Variants in SLC44A5 observed in about 807,000 individuals in gnomAD.
SLC44A5 encodes the protein solute carrier family 44 member 5.
Under a neutral mutation model 101.8 loss-of-function variants are expected in SLC44A5, and 57 were observed. That is an observed-to-expected ratio of 0.56 (90% CI 0.45 to 0.70). The LOEUF (loss-of-function observed/expected upper bound fraction) is 0.70, where lower values mean the gene tolerates loss of function less well. Among genes scored for constraint, SLC44A5 ranks in the 30% least tolerant of loss-of-function variants. SLC44A5 has a pLI of 0.00. For synonymous variants in SLC44A5, 281 were observed against 290.9 expected, an observed-to-expected ratio of 0.97 and a Z score of 0.35; for missense variants, 737 against 853.1, an observed-to-expected ratio of 0.86 and a Z score of 1.70.
chr1:75,443,355 A>G (rs1171974785), intron 2 of SLC44A5, among the ~76,000 whole-genome samples: 2 of 151,974 alleles, frequency 1.3e-5, no homozygotes, highest in South Asian at 4.1e-4. Flanking sequence ...CTTTGAGAAA[A>G]CTCATTGATT....
At chr1:75,209,029 T>C (rs1052312460) in intron 23 of SLC44A5, among the ~76,000 whole-genome samples, 2 of 152,206 alleles carry the variant, frequency 1.3e-5, no homozygotes, top group Admixed American at 6.5e-5. Flanking sequence ...ATGTTGCCCA[T>C]AGTAACAGCT....
chr1:75,656,246 A>G, the SLC44A5 span, among the ~76,000 whole-genome samples: 1 of 152,232 alleles, frequency 6.6e-6, no homozygotes, highest in Non-Finnish European at 1.5e-5. Context: ...CCTGTCTTAC[A>G]AGAAATGGTA....
chr1:75,228,111 A>G (rs1350462805), intron 12 of SLC44A5, among the ~76,000 whole-genome samples: 1 of 152,178 alleles, frequency 6.6e-6, no homozygotes, highest in Non-Finnish European at 1.5e-5. Context: ...TTTGACTAGA[A>G]ATGACCTTAA....
chr1:75,444,970 C>A lies in SLC44A5; in HGVS notation c.14-48349G>T, dbSNP rs1406439346. ...AAAGAAGAAGGTGGGAAATAATTAACCGTGAGAGTAGGAGAGTATATTGAA... is the reference window on the plus strand; with the variant it reads ...AAAGAAGAAGGTGGGAAATAATTAAACGTGAGAGTAGGAGAGTATATTGAA... On this transcript the variant is annotated intron_variant, in intron 2 of 23. Transcript: ENST00000370859. 7.2e-5 allele frequency among the ~76,000 whole-genome samples: 11 copies of A among 152,140 alleles called. 1 individual carries two copies.
chr1:75,235,429 G>A (rs1402145187), intron 11 of SLC44A5, among the ~76,000 whole-genome samples: 3 of 151,870 alleles, frequency 2.0e-5, no homozygotes, highest in Admixed American at 1.3e-4. Flanking sequence ...CTATCATAAT[G>A]TACACTTGTT....
At chr1:75,683,758 AC>A in the SLC44A5 span, among the ~76,000 whole-genome samples, 2 of 19,266 alleles carry the variant, frequency 1.0e-4, no homozygotes, top group African/African-American at 8.1e-4. Flanking sequence ...AAGTATAATA[AC>A]AAATAAATAA....
At position 75,396,573 on chromosome 1, in the gene SLC44A5, T is replaced by C; in HGVS notation, c.52+10A>G. The C allele has an allele frequency of 6.2e-7, 1 of 1,608,872 alleles. No individual in the cohort carries two copies. The highest frequency in any genetic ancestry group is 8.5e-7 in the Non-Finnish European group (1 of 1,175,730). ...GATTCTTAGCACTTAATACTCAGACTATGACTTACCAAAGTCCTCTTCCTC... is the reference window on the plus strand; with the variant it reads ...GATTCTTAGCACTTAATACTCAGACCATGACTTACCAAAGTCCTCTTCCTC... On this transcript the variant is annotated intron_variant, in intron 3 of 23. Transcript: ENST00000370859.
chr1:75,497,806 T>G (rs558935669), intron 2 of SLC44A5, among the ~76,000 whole-genome samples: 1 of 152,246 alleles, frequency 6.6e-6, no homozygotes, highest in South Asian at 2.1e-4. Context: ...AGAAAAATAA[T>G]TACTTAAGAA....
the SLC44A5 span, chr1:75,720,477 T>G: frequency 6.6e-6 from 1 of 152,226 alleles, no homozygotes; most frequent in Admixed American, 6.5e-5. Context: ...GATGGTTCTA[T>G]TCCTACTACT....
chr1:75,710,092 A>G, the SLC44A5 span: 1 of 152,278 alleles, frequency 6.6e-6, no homozygotes, highest in Non-Finnish European at 1.5e-5. Flanking sequence ...GGGAACAGGA[A>G]TGAAGGAAGG....
At chr1:75,701,117 A>C in the SLC44A5 span, among the ~76,000 whole-genome samples, 1 of 152,346 alleles carries the variant, frequency 6.6e-6, no homozygotes, top group East Asian at 1.9e-4. Flanking sequence ...AAACTATTCC[A>C]ATCAACAGAA....
At chr1:75,674,105 T>G in the SLC44A5 span, among the ~76,000 whole-genome samples, 3 of 152,062 alleles carry the variant, frequency 2.0e-5, no homozygotes, top group African/African-American at 7.2e-5. Context: ...GAGAGATATA[T>G]GACCTTCCAG....
intron 1 of SLC44A5, among the ~76,000 whole-genome samples, chr1:75,542,635 A>T (rs1671418420): frequency 6.6e-6 from 1 of 152,028 alleles, no homozygotes; most frequent in South Asian, 2.1e-4. Context: ...TTTTTATTTC[A>T]TCTTTTGTAA....
chr1:75,716,895 G>A, the SLC44A5 span, among the ~76,000 whole-genome samples: 9 of 151,936 alleles, frequency 5.9e-5, no homozygotes, highest in Admixed American at 2.6e-4. Context: ...TTAGCTGGGC[G>A]TCGTGGCATG....
chr1:75,666,316 T>C, the SLC44A5 span, among the ~76,000 whole-genome samples: 99 of 152,226 alleles, frequency 6.5e-4, no homozygotes, highest in African/African-American at 2.3e-3. Context: ...ACAAATAAAC[T>C]AGAAAATCTA....
At chr1:75,209,779 T>C (rs1286775605) in intron 23 of SLC44A5, among the ~76,000 whole-genome samples, 2 of 152,172 alleles carry the variant, frequency 1.3e-5, no homozygotes, top group East Asian at 3.9e-4. Flanking sequence ...TATTCTAAAA[T>C]GCAAACTGTA....
the SLC44A5 span, among the ~76,000 whole-genome samples, chr1:75,658,755 G>A: frequency 6.6e-6 from 1 of 151,920 alleles, no homozygotes; most frequent in South Asian, 2.1e-4. Context: ...AAAATTAGTA[G>A]AAGAAAAGAA....
intron 4 of SLC44A5, among the ~76,000 whole-genome samples, chr1:75,325,571 TGAGA>T (rs1186697957): frequency 6.6e-6 from 1 of 152,052 alleles, no homozygotes; most frequent in Non-Finnish European, 1.5e-5. Flanking sequence ...TGAGAGACAA[TGAGA>T]GAGAGAGATT....
chr1:75,601,814 C>T (rs183247231), intron 1 of SLC44A5, among the ~76,000 whole-genome samples: 19 of 152,224 alleles, frequency 1.2e-4, no homozygotes, highest in Middle Eastern at 6.8e-3. Context: ...CTTCCCACCC[C>T]GAGTTGTTTT....
Sources: allele counts gnomAD v4.1 joint callset (sites outside exome capture counted in the v4.1 genomes callset), GRCh38; gene constraint gnomAD v4.1.1; transcripts MANE v1.5; gene names NCBI Gene and HGNC (gene_info 2026-07-23, HGNC 2026-07-21).